The following LRRTM3 variants were observed in gnomAD, a reference collection of about 807,000 sequenced individuals.
The protein encoded by LRRTM3 is leucine-rich repeat transmembrane neuronal protein 3.
Under a neutral mutation model 44.7 loss-of-function variants are expected in LRRTM3, and 24 were observed. The observed-to-expected ratio is 0.54, with a 90% CI of 0.39 to 0.76. The LOEUF (loss-of-function observed/expected upper bound fraction) is 0.76. Among genes scored for constraint, LRRTM3 ranks in the 30% least tolerant of loss-of-function variants. The pLI is 0.00. For missense variants in LRRTM3, 587 were observed against 702.2 expected, an observed-to-expected ratio of 0.84 and a Z score of 1.85; for synonymous variants, 277 against 278.7, an observed-to-expected ratio of 0.99 and a Z score of 0.06.
At position 66,927,458 on chromosome 10, in the gene LRRTM3, G is replaced by T; in HGVS notation, c.542G>T (p.Arg181Leu). 1 of 1,614,070 alleles carries T rather than the reference G, an allele frequency of 6.2e-7. No individual in the cohort carries two copies. Among genetic ancestry groups the T allele is most frequent in the Non-Finnish European group, 8.5e-7 (1 of 1,180,018 alleles). ...TIPVRIFQDC[R>L]NLELLDLGYN... ...CCTGTGCGAATATTCCAAGACTGCC[G>T]CAACCTGGAACTTTTGGACCTGGGA... Residue 181 changes from arginine (R) to leucine (L), a missense_variant, in exon 2 of 3, where the codon CGC becomes CTC. This residue lies in a region of LRRTM3 where 222 missense variants were observed against 323.3 expected (regional missense o/e 0.69). Coordinates refer to ENST00000361320, the MANE Select transcript of LRRTM3 (RefSeq NM_178011.5). The surrounding 1 kb of genome is among the most constrained non-coding windows in gnomAD (Gnocchi z 4.7).
intron 2 of LRRTM3, among the ~76,000 whole-genome samples, chr10:66,969,862 A>G (rs916882846): frequency 1.3e-5 from 2 of 152,134 alleles, no homozygotes; most frequent in African/African-American, 4.8e-5. Flanking sequence ...TTTCCACAAC[A>G]TGGAGAGTAT....
chr10:67,016,439 C>T (rs1852662995), intron 2 of LRRTM3, among the ~76,000 whole-genome samples: 1 of 152,162 alleles, frequency 6.6e-6, no homozygotes, highest in Admixed American at 6.5e-5. Context: ...CAGCAGTGTA[C>T]CACCTACTTC....
intron 2 of LRRTM3, among the ~76,000 whole-genome samples, chr10:67,012,741 G>T (rs1207565888): frequency 6.6e-6 from 1 of 151,920 alleles, no homozygotes; most frequent in Admixed American, 6.6e-5. Context: ...GGTGGTTTTG[G>T]ATATACACTT....
rs1402992349 is a variant in LRRTM3 at position 66,951,387 on chromosome 10, A to G, written c.1536+22935A>G. On this transcript the variant is annotated intron_variant, in intron 2 of 2. Transcript: ENST00000361320. ...CGCCTCTGCCTCCCAGAGTGCTGGG[A>G]TTACAGGCATAAGCCACCATGCCCA... Among the ~76,000 whole-genome samples the G allele has an allele frequency of 2.0e-5, 3 of 152,192 alleles. No individual in the cohort carries two copies. In the East Asian group the frequency reaches 5.8e-4, roughly 29 times the overall value.
At chr10:67,067,359 A>G (rs747027349) in intron 2 of LRRTM3, among the ~76,000 whole-genome samples, 8 of 152,206 alleles carry the variant, frequency 5.3e-5, no homozygotes, top group Non-Finnish European at 1.0e-4. Context: ...GCAAAAAGTT[A>G]CTAACCCTCC....
At position 67,080,585 on chromosome 10, in the gene LRRTM3, ATCT is replaced by A. The variant is rs377130545; in HGVS notation, c.1537-16999_1537-16997del. On this transcript the variant is annotated intron_variant, in intron 2 of 2. Coordinates refer to ENST00000361320, the MANE Select transcript of LRRTM3 (RefSeq NM_178011.5). ...TTATTGGATTTATTCAATAGGCATC[ATCT>A]TCATCATCTTATAGATGTGCATAGA... Among the ~76,000 whole-genome samples, 695 of 152,270 alleles carry A rather than the reference ATCT, an allele frequency of 4.6e-3. 8 individuals are homozygous for A. Among genetic ancestry groups the A allele is most frequent in the African/African-American group, 0.016 (665 of 41,550 alleles).
Position 66,927,899 on chromosome 10 carries a change from A to G in LRRTM3, c.983A>G (p.Lys328Arg), listed in dbSNP as rs1430824271. Residue 328 changes from lysine to arginine, a missense_variant, in exon 2 of 3, where the codon AAA (lysine) becomes AGA (arginine). By Grantham distance (26) the Lys-to-Arg change is conservative. Coordinates refer to ENST00000361320, the MANE Select transcript of LRRTM3 (RefSeq NM_178011.5). The surrounding 1 kb of genome is among the most constrained non-coding windows in gnomAD (Gnocchi z 4.7). The part of the protein sequence containing the change: ...RNICSLVNWL[K>R]SFKGLRENTI... The stretch of plus-strand genomic sequence containing the variant: ...ATTTGCTCCCTTGTAAACTGGCTGA[A>G]AAGTTTTAAAGGTCTAAGGGAGAAT... 2 of 1,614,120 alleles carry G rather than the reference A, an allele frequency of 1.2e-6. No homozygotes were observed. Among genetic ancestry groups the G allele is most frequent in the African/African-American group, 1.3e-5 (1 of 74,948 alleles).
rs1438952583 is a variant in LRRTM3, at chr10:67,101,030, A to G, written c.*3234A>G. On this transcript the variant is annotated 3_prime_UTR_variant, in exon 3 of 3. Transcript: ENST00000361320. The stretch of plus-strand genomic sequence containing the variant: ...TAATTCAATTCTCCATCTGTAAAAT[A>G]TTAGCTAACTGAATTATTTCTGTGT... 3.3e-5 allele frequency among the ~76,000 whole-genome samples: 5 copies of G among 151,816 alleles called. No individual in the cohort carries two copies. Among genetic ancestry groups the G allele is most frequent in the Non-Finnish European group, 7.4e-5 (5 of 67,812 alleles).
intron 2 of LRRTM3, among the ~76,000 whole-genome samples, chr10:66,983,570 T>G (rs1850566406): frequency 6.6e-6 from 1 of 152,176 alleles, no homozygotes; most frequent in Non-Finnish European, 1.5e-5. Context: ...ACTGGAGTTT[T>G]TATTGAGCTA....
At chr10:66,949,044 C>T (rs1215556015) in intron 2 of LRRTM3, among the ~76,000 whole-genome samples, 1 of 151,964 alleles carries the variant, frequency 6.6e-6, no homozygotes, top group African/African-American at 2.4e-5. Context: ...ATCTTGCAAA[C>T]AAATATAACA....
intron 2 of LRRTM3, among the ~76,000 whole-genome samples, chr10:66,965,361 C>G (rs774308998): frequency 6.6e-6 from 1 of 151,684 alleles, no homozygotes; most frequent in Non-Finnish European, 1.5e-5. Flanking sequence ...ATGGTGAAAC[C>G]CTGTCTCTAC....
chr10:67,024,481 A>G (rs937421642), intron 2 of LRRTM3, among the ~76,000 whole-genome samples: 1 of 152,190 alleles, frequency 6.6e-6, no homozygotes, highest in Non-Finnish European at 1.5e-5. Context: ...GGTTCTGGTG[A>G]TTAGGAAGTA....
intron 2 of LRRTM3, among the ~76,000 whole-genome samples, chr10:66,930,586 T>C (rs955900883): frequency 2.0e-5 from 3 of 152,194 alleles, no homozygotes; most frequent in African/African-American, 7.2e-5. Context: ...TTGTGATGGA[T>C]ACCAAATATA....
intron 2 of LRRTM3, among the ~76,000 whole-genome samples, chr10:66,990,482 G>T (rs534368195): frequency 2.6e-5 from 4 of 152,132 alleles, no homozygotes; most frequent in Non-Finnish European, 5.9e-5. Context: ...GTTTGCAGAC[G>T]GAACCTATTT....
At position 66,931,086 on chromosome 10, in the gene LRRTM3, G is replaced by A. The variant is rs10997441; in HGVS notation, c.1536+2634G>A. On this transcript the variant is annotated intron_variant, in intron 2 of 2. Transcript: ENST00000361320. Reference sequence around the variant, plus strand: ...TGGACTACATATCATAAATCTATTTGTATAAGTATTTCAAGTTCATGCAGA... The same window carrying A: ...TGGACTACATATCATAAATCTATTTATATAAGTATTTCAAGTTCATGCAGA... 0.028 allele frequency among the ~76,000 whole-genome samples: 4,232 copies of A among 149,848 alleles called. 409 individuals are homozygous for A. The East Asian group carries it at 0.38, about 13-fold the overall frequency.
At chr10:66,978,544 A>T (rs1157974344) in intron 2 of LRRTM3, among the ~76,000 whole-genome samples, 4 of 75,586 alleles carry the variant, frequency 5.3e-5, no homozygotes, top group East Asian at 4.3e-4. Flanking sequence ...AAAAAAAAAA[A>T]AAAAAAAAAT....
intron 2 of LRRTM3, among the ~76,000 whole-genome samples, chr10:67,018,048 A>C (rs1852771774): frequency 6.6e-6 from 1 of 152,192 alleles, no homozygotes; most frequent in African/African-American, 2.4e-5. Flanking sequence ...CTGGGATTAC[A>C]GGTGTGAGCC....
chr10:66,998,118 C>G (rs1214766827), intron 2 of LRRTM3, among the ~76,000 whole-genome samples: 5 of 152,146 alleles, frequency 3.3e-5, no homozygotes, highest in Admixed American at 6.6e-5. Flanking sequence ...GATGCCATTC[C>G]CCTACATAAA....
At chr10:66,976,270 T>C (rs192311642) in intron 2 of LRRTM3, among the ~76,000 whole-genome samples, 5 of 152,236 alleles carry the variant, frequency 3.3e-5, no homozygotes, top group Admixed American at 1.3e-4. Flanking sequence ...GGCACTAATA[T>C]AGGGAATCAG....
Sources: gnomAD v4.1 joint callset for allele counts (sites outside exome capture counted in the v4.1 genomes callset) on GRCh38, gnomAD v4.1.1 for gene constraint, gnomAD v4.1.1 regional missense constraint, Gnocchi (gnomAD v3.1) non-coding constraint, MANE v1.5 for transcripts, NCBI Gene and HGNC (gene_info 2026-07-23, HGNC 2026-07-21) for gene names.